Variants in PCDHGB5 observed in about 807,000 individuals in gnomAD.
PCDHGB5 encodes protocadherin gamma subfamily B, 5.
Under a neutral mutation model 62.9 loss-of-function variants are expected in PCDHGB5, and 48 were observed. The ratio of observed to expected loss-of-function variants is 0.76; its 90% CI spans 0.61 to 0.97. The LOEUF (loss-of-function observed/expected upper bound fraction) is 0.97, where lower values mean the gene tolerates loss of function less well. PCDHGB5 is among the 50% of genes least tolerant of loss of function. PCDHGB5 has a pLI of 0.00. For synonymous variants in PCDHGB5, 474 were observed against 511.2 expected, an observed-to-expected ratio of 0.93 and a Z score of 0.98; for missense variants, 1,118 against 1,198.6, an observed-to-expected ratio of 0.93 and a Z score of 0.99.
intron 1 of PCDHGB5, among the ~76,000 whole-genome samples, chr5:141,467,361 G>A (rs555435172): frequency 1.3e-5 from 2 of 151,860 alleles, no homozygotes; most frequent in South Asian, 4.2e-4. Context: ...CCAAATCAAC[G>A]TTTTCTTATA....
In PCDHGB5 at chr5:141,490,935, G is replaced by A. The variant is rs1371144225; in HGVS notation, c.2398-3872G>A. On this transcript the variant is annotated intron_variant, in intron 1 of 3. Transcript: ENST00000617380. The surrounding 1 kb of genome is among the most constrained non-coding windows in gnomAD (Gnocchi z 5.4). ...AGAATGATAATGCCCCAGCTGTGCTGCACCCACGGCCAGACTGGGAACACT... is the reference window on the plus strand; with the variant it reads ...AGAATGATAATGCCCCAGCTGTGCTACACCCACGGCCAGACTGGGAACACT... 1.9e-6 allele frequency: 3 copies of A among 1,613,638 alleles called. No homozygotes were observed. The highest frequency in any genetic ancestry group is 2.2e-5 in the South Asian group (2 of 91,032).
chr5:141,442,596 T>C (rs2154559877), intron 1 of PCDHGB5: 1 of 152,310 alleles, frequency 6.6e-6, no homozygotes, highest in South Asian at 2.1e-4. Flanking sequence ...TTAAATATTT[T>C]CAGAGATCTC....
Position 141,478,516 on chromosome 5 carries a change from G to A in PCDHGB5, c.2398-16291G>A, listed in dbSNP as rs769702987. The A allele has an allele frequency of 4.3e-6, 7 of 1,610,992 alleles. No homozygotes were observed. In the African/African-American group the frequency reaches 8.0e-5, roughly 18 times the overall value. ...GTGATCCGGTGTTCTATAGGCAGGT[G>A]TTGGGTGCAGAGAGCGCCCCTCCCG... On this transcript the variant is annotated intron_variant, in intron 1 of 3. Transcript: ENST00000617380.
intron 1 of PCDHGB5, among the ~76,000 whole-genome samples, chr5:141,433,837 CAA>C (rs56191208): frequency 1.4e-4 from 16 of 111,664 alleles, no homozygotes; most frequent in Non-Finnish European, 1.2e-4. Context: ...AACTCTATCT[CAA>C]AAAAAAAAAA....
chr5:141,403,580 C>G, intron 1 of PCDHGB5: 1 of 1,613,942 alleles, frequency 6.2e-7, no homozygotes, highest in Non-Finnish European at 8.5e-7. Flanking sequence ...TGCCCACCAC[C>G]TGGTCCTCAC....
chr5:141,486,555 A>T lies in PCDHGB5; in HGVS notation c.2398-8252A>T, dbSNP rs746001345. The T allele has an allele frequency of 6.2e-6, 10 of 1,614,078 alleles. No individual in the cohort carries two copies. Among genetic ancestry groups the T allele is most frequent in the Non-Finnish European group, 7.6e-6 (9 of 1,180,022 alleles). ...CCCTCTTTCTTTCAGAGGTCACATGAGGTGTTTGTTCCTGAGAACAATCGC... is the reference window on the plus strand; with the variant it reads ...CCCTCTTTCTTTCAGAGGTCACATGTGGTGTTTGTTCCTGAGAACAATCGC... On this transcript the variant is annotated intron_variant, in intron 1 of 3. Transcript: ENST00000617380. This position sits in a 1 kb window ranked among gnomAD's most constrained non-coding sequence, Gnocchi z 5.0.
intron 1 of PCDHGB5, among the ~76,000 whole-genome samples, chr5:141,480,911 G>A (rs2154578422): frequency 6.6e-6 from 1 of 152,218 alleles, no homozygotes; most frequent in East Asian, 1.9e-4. Flanking sequence ...TGGGCATGGT[G>A]GCGCATACCT....
Position 141,431,112 on chromosome 5 carries a change from GAGTAGA to G in PCDHGB5, c.2397+30599_2397+30604del, listed in dbSNP as rs764068262. On this transcript the variant is annotated intron_variant, in intron 1 of 3. Transcript: ENST00000617380. The surrounding 1 kb of genome is among the most constrained non-coding windows in gnomAD (Gnocchi z 4.8). ...ATGGAGGATAAAGTGAAAATATATG[GAGTAGA>G]AGTAGAAGTAAGGGACATTAACGAC... The G allele has an allele frequency of 1.7e-5, 28 of 1,614,128 alleles. No individual in the cohort carries two copies. The highest frequency in any genetic ancestry group is 3.3e-5 in the South Asian group (3 of 91,092).
In PCDHGB5 at chr5:141,432,075, C is replaced by G. The variant is rs2097446801; in HGVS notation, c.2397+31551C>G. 2 of 1,614,086 alleles carry G rather than the reference C, an allele frequency of 1.2e-6. No individual in the cohort carries two copies. Among genetic ancestry groups the G allele is most frequent in the Non-Finnish European group, 1.7e-6 (2 of 1,180,054 alleles). ...CCCCTATCCACGGAAACTCATATCT[C>G]GCTGAACGTGGCAGACACCAACGAC... On this transcript the variant is annotated intron_variant, in intron 1 of 3. Transcript: ENST00000617380. This position sits in a 1 kb window ranked among gnomAD's most constrained non-coding sequence, Gnocchi z 6.0.
intron 1 of PCDHGB5, chr5:141,405,510 C>T: frequency 1.4e-6 from 1 of 732,922 alleles, no homozygotes; most frequent in Non-Finnish European, 2.2e-6. Context: ...ACCTCCGCCT[C>T]CCAAATTCAA....
At chr5:141,450,754 C>G (rs192088793) in intron 1 of PCDHGB5, among the ~76,000 whole-genome samples, 1 of 150,996 alleles carries the variant, frequency 6.6e-6, no homozygotes, top group Non-Finnish European at 1.5e-5. Context: ...CCCAAAGTGC[C>G]GGGATTACAG....
intron 1 of PCDHGB5, among the ~76,000 whole-genome samples, chr5:141,464,648 G>A (rs776411908): frequency 6.6e-6 from 1 of 152,020 alleles, no homozygotes; most frequent in African/African-American, 2.4e-5. Flanking sequence ...AACCTGATGG[G>A]TAAAAAGATA....
chr5:141,503,209 C>T (rs963237902), intron 2 of PCDHGB5, among the ~76,000 whole-genome samples: 3 of 152,020 alleles, frequency 2.0e-5, no homozygotes, highest in African/African-American at 7.3e-5. Context: ...TCTCAGTGCC[C>T]ACCATGAGCA....
At chr5:141,419,331 T>G (rs2096361475) in intron 1 of PCDHGB5, 2 of 1,613,840 alleles carry the variant, frequency 1.2e-6, no homozygotes, top group Non-Finnish European at 8.5e-7. Flanking sequence ...TCCTACTCTC[T>G]CATTGCCAGC....
chr5:141,509,809 A>G (rs13163163), intron 3 of PCDHGB5, among the ~76,000 whole-genome samples: 35,240 of 151,962 alleles, frequency 0.23, 4,247 homozygotes, highest in Admixed American at 0.33. Context: ...CATAGAGCCG[A>G]GCTCTTCTCC....
chr5:141,422,106 C>G (rs763336868), intron 1 of PCDHGB5: 1 of 1,607,266 alleles, frequency 6.2e-7, no homozygotes, highest in Admixed American at 1.7e-5. Flanking sequence ...CTGAAATATT[C>G]CAATTGGATT....
chr5:141,431,830 C>G lies in PCDHGB5; in HGVS notation c.2397+31306C>G, dbSNP rs1354008481. 1 of 1,614,078 alleles carries G rather than the reference C, an allele frequency of 6.2e-7. No homozygotes were observed. The highest frequency in any genetic ancestry group is 8.5e-7 in the Non-Finnish European group (1 of 1,180,034). The stretch of plus-strand genomic sequence containing the variant: ...TCACCTCTCTCGCCAGCTCGGTTCC[C>G]GAAAACTCTCCCAGAGGGACATTAA... On this transcript the variant is annotated intron_variant, in intron 1 of 3. Coordinates refer to ENST00000617380, the MANE Select transcript of PCDHGB5 (RefSeq NM_018925.3). This position sits in a 1 kb window ranked among gnomAD's most constrained non-coding sequence, Gnocchi z 4.8.
Position 141,415,188 on chromosome 5 carries a change from C to G in PCDHGB5, c.2397+14664C>G, listed in dbSNP as rs2095841560. On this transcript the variant is annotated intron_variant, in intron 1 of 3. Coordinates refer to ENST00000617380, the MANE Select transcript of PCDHGB5 (RefSeq NM_018925.3). Reference sequence around the variant, plus strand: ...CGCTCACCGTGGCCGTGGCCGACAGCATCCCCCAAGTCCTGGCGGACCTCG... The same window carrying G: ...CGCTCACCGTGGCCGTGGCCGACAGGATCCCCCAAGTCCTGGCGGACCTCG... 3 of 1,614,006 alleles carry G rather than the reference C, an allele frequency of 1.9e-6. No homozygotes were observed. The East Asian group carries it at 6.7e-5, about 36-fold the overall frequency.
intron 2 of PCDHGB5, among the ~76,000 whole-genome samples, chr5:141,498,967 G>A (rs896386012): frequency 1.5e-5 from 2 of 129,584 alleles, no homozygotes. Context: ...GAGGGAGGGA[G>A]GGAGGGAAGG....
Sources: allele counts gnomAD v4.1 joint callset (sites outside exome capture counted in the v4.1 genomes callset), GRCh38; gene constraint gnomAD v4.1.1; non-coding constraint Gnocchi (gnomAD v3.1); transcripts MANE v1.5; gene names NCBI Gene and HGNC (gene_info 2026-07-23, HGNC 2026-07-21).